The following AKAP6 variants were observed in gnomAD, a reference collection of about 807,000 sequenced individuals.
AKAP6 encodes A-kinase anchor protein 6.
Under a neutral mutation model 188.5 loss-of-function variants are expected in AKAP6, and 58 were observed. The observed-to-expected ratio is 0.31, with a 90% CI of 0.25 to 0.38. The LOEUF (loss-of-function observed/expected upper bound fraction) is 0.38. Ranked by LOEUF, AKAP6 falls within the 10% of genes least tolerant of loss-of-function variation. AKAP6 has a pLI of 1.00. For synonymous variants in AKAP6, 989 were observed against 998.6 expected, an observed-to-expected ratio of 0.99 and a Z score of 0.18; for missense variants, 2,710 against 2,740.0, an observed-to-expected ratio of 0.99 and a Z score of 0.24.
Position 32,773,768 on chromosome 14 carries a change from A to G in AKAP6, c.3463A>G (p.Asn1155Asp). The G allele has an allele frequency of 6.2e-7, 1 of 1,614,144 alleles. No homozygotes were observed. Residue 1155 changes from asparagine (N) to aspartate (D), a missense_variant, in exon 12 of 14, where the codon AAT becomes GAT. This residue lies in a region of AKAP6 where 2,473 missense variants were observed against 2,426.1 expected (regional missense o/e 1.02). Coordinates refer to ENST00000280979, the MANE Select transcript of AKAP6 (RefSeq NM_004274.5). ...QHLLDDRETC[N>D]LNADHQPMQL... ...TCTTTTGGATGACCGGGAGACTTGCAATCTGAATGCAGACCACCAGCCCAT... is the reference window on the plus strand; with the variant it reads ...TCTTTTGGATGACCGGGAGACTTGCGATCTGAATGCAGACCACCAGCCCAT...
intron 2 of AKAP6, among the ~76,000 whole-genome samples, chr14:32,470,126 T>TA (rs1375858690): frequency 6.6e-6 from 1 of 152,114 alleles, no homozygotes; most frequent in African/African-American, 2.4e-5. Flanking sequence ...TCTTCATCAC[T>TA]AAAAAACCCA....
chr14:32,381,781 C>A (rs1464748967), intron 1 of AKAP6, among the ~76,000 whole-genome samples: 1 of 152,122 alleles, frequency 6.6e-6, no homozygotes, highest in Admixed American at 6.5e-5. Flanking sequence ...TTTCTTCTAA[C>A]TTACCTCATC....
At chr14:32,418,946 CTATGA>C (rs1286197879) in intron 1 of AKAP6, among the ~76,000 whole-genome samples, 4 of 152,034 alleles carry the variant, frequency 2.6e-5, no homozygotes, top group African/African-American at 9.7e-5. Flanking sequence ...AATTATTTAT[CTATGA>C]TATGTAACTT....
intron 5 of AKAP6, among the ~76,000 whole-genome samples, chr14:32,588,915 T>G (rs1290097425): frequency 1.3e-5 from 2 of 152,216 alleles, no homozygotes; most frequent in African/African-American, 4.8e-5. Flanking sequence ...CTTACAGAGT[T>G]TTTAGCCATA....
intron 1 of AKAP6, among the ~76,000 whole-genome samples, chr14:32,358,726 GA>G (rs199946830): frequency 6.6e-6 from 1 of 152,116 alleles, no homozygotes; most frequent in Non-Finnish European, 1.5e-5. Flanking sequence ...TTCCTCAGGG[GA>G]TAGTGAGAAG....
chr14:32,338,218 T>C (rs1886778677), intron 1 of AKAP6, among the ~76,000 whole-genome samples: 1 of 152,152 alleles, frequency 6.6e-6, no homozygotes, highest in African/African-American at 2.4e-5. Context: ...ATTATTATCT[T>C]TGGTATGATG....
chr14:32,631,096 A>G (rs1887250710), intron 7 of AKAP6, among the ~76,000 whole-genome samples: 1 of 152,146 alleles, frequency 6.6e-6, no homozygotes, highest in African/African-American at 2.4e-5. Flanking sequence ...TATACTTTCC[A>G]TGTCTCATTT....
At chr14:32,453,631 C>CTGT (rs1385220569) in intron 2 of AKAP6, among the ~76,000 whole-genome samples, 1 of 100,704 alleles carries the variant, frequency 9.9e-6, no homozygotes, top group Non-Finnish European at 1.8e-5. Context: ...GAGTCTCGTT[C>CTGT]TGTCGCCCAG....
intron 11 of AKAP6, among the ~76,000 whole-genome samples, chr14:32,741,048 A>G (rs1229288218): frequency 1.3e-5 from 2 of 149,052 alleles, no homozygotes; most frequent in Non-Finnish European, 3.0e-5. Flanking sequence ...GTTCTCTTCA[A>G]TTTCTTTCAT....
intron 9 of AKAP6, among the ~76,000 whole-genome samples, chr14:32,708,929 T>G (rs902132944): frequency 6.6e-6 from 1 of 152,076 alleles, no homozygotes; most frequent in African/African-American, 2.4e-5. Flanking sequence ...CTGGTGGTAC[T>G]AAAGACCCAT....
At position 32,436,673 on chromosome 14, in the gene AKAP6, A is replaced by G. The variant is rs1566501657; in HGVS notation, c.324+2856A>G. Among the ~76,000 whole-genome samples, 3 of 152,138 alleles carry G rather than the reference A, an allele frequency of 2.0e-5. No homozygotes were observed. In the South Asian group the frequency reaches 6.2e-4, roughly 32 times the overall value. Reference sequence around the variant, plus strand: ...AATACGTAAACAAGCATGGTGACTCAAGACTATGATCCTAGCACTTTGGGA... The same window carrying G: ...AATACGTAAACAAGCATGGTGACTCGAGACTATGATCCTAGCACTTTGGGA... On this transcript the variant is annotated intron_variant, in intron 2 of 13. Transcript: ENST00000280979.
intron 11 of AKAP6, among the ~76,000 whole-genome samples, chr14:32,743,388 A>T (rs944712025): frequency 6.6e-6 from 1 of 151,970 alleles, no homozygotes; most frequent in African/African-American, 2.4e-5. Flanking sequence ...ATAAGTTAGG[A>T]CTTACTCCTG....
intron 2 of AKAP6, among the ~76,000 whole-genome samples, chr14:32,468,929 T>C (rs1160826670): frequency 6.6e-6 from 1 of 152,158 alleles, no homozygotes; most frequent in Admixed American, 6.5e-5. Context: ...ATATGAATAA[T>C]AGGTAGGTTT....
intron 1 of AKAP6, among the ~76,000 whole-genome samples, chr14:32,375,415 G>A (rs933608739): frequency 6.6e-6 from 1 of 151,592 alleles, no homozygotes; most frequent in South Asian, 2.1e-4. Flanking sequence ...GAATTTTAGA[G>A]AAATATCAGG....
At chr14:32,387,908 T>A (rs12590087) in intron 1 of AKAP6, among the ~76,000 whole-genome samples, 32,893 of 151,776 alleles carry the variant, frequency 0.22, 4,192 homozygotes, top group East Asian at 0.6. Context: ...TGTGGAATAG[T>A]GTCAATAGGA....
intron 8 of AKAP6, among the ~76,000 whole-genome samples, chr14:32,685,710 G>A (rs529071310): frequency 7.2e-6 from 1 of 138,782 alleles, no homozygotes; most frequent in East Asian, 2.2e-4. Context: ...GGGCGACAGA[G>A]CGAGACTCCA....
intron 1 of AKAP6, among the ~76,000 whole-genome samples, chr14:32,408,169 G>C (rs1441066109): frequency 2.6e-5 from 4 of 152,114 alleles, no homozygotes; most frequent in Non-Finnish European, 4.4e-5. Context: ...GCGGGGAGTG[G>C]GTGGTTGAAC....
In AKAP6 at chr14:32,450,559, A is replaced by G. The variant is rs190428906; in HGVS notation, c.324+16742A>G. On this transcript the variant is annotated intron_variant, in intron 2 of 13. Transcript: ENST00000280979. Reference sequence around the variant, plus strand: ...TGACTCTCCATTGTACTATATTTTTATTGTGTATTAGTATACTTTCTCTTT... The same window carrying G: ...TGACTCTCCATTGTACTATATTTTTGTTGTGTATTAGTATACTTTCTCTTT... Among the ~76,000 whole-genome samples, 3 of 152,294 alleles carry G rather than the reference A, an allele frequency of 2.0e-5. No individual in the cohort carries two copies. The East Asian group carries it at 5.8e-4, about 29-fold the overall frequency.
chr14:32,537,816 A>G (rs1243243985), intron 3 of AKAP6, among the ~76,000 whole-genome samples: 5 of 152,236 alleles, frequency 3.3e-5, no homozygotes, highest in Non-Finnish European at 2.9e-5. Flanking sequence ...TTGAACTTGT[A>G]TCATTCATGA....
Sources: gnomAD v4.1 joint callset for allele counts (sites outside exome capture counted in the v4.1 genomes callset) on GRCh38, gnomAD v4.1.1 for gene constraint, gnomAD v4.1.1 regional missense constraint, MANE v1.5 for transcripts, NCBI Gene and HGNC (gene_info 2026-07-23, HGNC 2026-07-21) for gene names.